ROBO2: variants seen among roughly 807,000 people sequenced by gnomAD.
ROBO2 encodes the protein roundabout homolog 2.
ROBO2 carries 53 observed loss-of-function variants against 160.8 expected under a neutral mutation model. The observed-to-expected ratio is 0.33, with a 90% CI of 0.26 to 0.41. ROBO2 has a LOEUF of 0.41. ROBO2 is among the 10% of genes least tolerant of loss of function. The pLI, the probability that ROBO2 is intolerant of heterozygous loss-of-function variation, is 1.00. For missense variants in ROBO2, 1,577 were observed against 1,722.4 expected, an observed-to-expected ratio of 0.92 and a Z score of 1.49; for synonymous variants, 664 against 611.7, an observed-to-expected ratio of 1.09 and a Z score of -1.26.
chr3:77,525,841 A>G lies in ROBO2; in HGVS notation c.934+2939A>G, dbSNP rs552105386. ...ACTCAAAACGCCTTTTTGTTTCTGA[A>G]GGAAACATTATGTTTTAAATTCACT... On this transcript the variant is annotated intron_variant, in intron 6 of 25. Transcript: ENST00000461745. Among the ~76,000 whole-genome samples the G allele has an allele frequency of 6.6e-5, 10 of 150,934 alleles. No homozygotes were observed. The East Asian group carries it at 2.0e-3, about 30-fold the overall frequency.
intron 2 of ROBO2, among the ~76,000 whole-genome samples, chr3:76,659,678 A>C (rs557531739): frequency 5.8e-4 from 88 of 152,308 alleles, no homozygotes; most frequent in African/African-American, 2.0e-3. Context: ...AAAAGTAGGA[A>C]ATTAATATTT....
intron 2 of ROBO2, among the ~76,000 whole-genome samples, chr3:76,855,706 T>G (rs2069983165): frequency 6.6e-6 from 1 of 152,238 alleles, no homozygotes; most frequent in Admixed American, 6.5e-5. Flanking sequence ...CTGATTGCAG[T>G]AGTTTGACAT....
intron 2 of ROBO2, among the ~76,000 whole-genome samples, chr3:76,919,338 G>A (rs2076525082): frequency 6.6e-6 from 1 of 151,966 alleles, no homozygotes; most frequent in Non-Finnish European, 1.5e-5. Context: ...ATATTTATAG[G>A]CCATGGCAAT....
chr3:76,101,698 T>TC lies in ROBO2; in HGVS notation c.109+164102dup, dbSNP rs1015219781. Among the ~76,000 whole-genome samples, 5 of 48,630 alleles carry TC rather than the reference T, an allele frequency of 1.0e-4. No homozygotes were observed. In the East Asian group the frequency reaches 2.8e-3, roughly 28 times the overall value. 31.9% of individuals were successfully genotyped at this position (48,630 alleles called of 152,430 possible). On this transcript the variant is annotated intron_variant, in intron 2 of 26. Coordinates refer to the ROBO2 transcript ENST00000487694. ...ATCTCCTAATGCTATCCCTCCCCCC[T>TC]CCCCCCACCCCACCAACCCCACAAG... is the stretch of plus-strand genomic sequence containing the variant.
At chr3:77,127,234 G>A (rs2075422660) in intron 2 of ROBO2, among the ~76,000 whole-genome samples, 1 of 152,192 alleles carries the variant, frequency 6.6e-6, no homozygotes, top group South Asian at 2.1e-4. Flanking sequence ...TGTTTCAAAT[G>A]TGACAGTCCG....
chr3:77,634,272 C>A (rs895708789), intron 23 of ROBO2: 10 of 155,348 alleles, frequency 6.4e-5, no homozygotes, highest in African/African-American at 2.4e-4. Flanking sequence ...TTTTAACCTG[C>A]TATCCTCTAC....
chr3:76,561,902 G>T (rs959405080), intron 2 of ROBO2, among the ~76,000 whole-genome samples: 1 of 151,990 alleles, frequency 6.6e-6, no homozygotes, highest in Non-Finnish European at 1.5e-5. Flanking sequence ...CCTTCATTCT[G>T]CCAGACCTTC....
At chr3:76,181,987 C>G (rs148252538) in intron 2 of ROBO2, among the ~76,000 whole-genome samples, 1 of 151,978 alleles carries the variant, frequency 6.6e-6, no homozygotes, top group Admixed American at 6.6e-5. Flanking sequence ...TAACAGGAAG[C>G]ATTAATAAGG....
intron 2 of ROBO2, among the ~76,000 whole-genome samples, chr3:76,469,627 G>A (rs969938268): frequency 6.6e-6 from 1 of 151,972 alleles, no homozygotes; most frequent in African/African-American, 2.4e-5. Context: ...TTTGCCCTGT[G>A]TTTATTGTAT....
At chr3:75,980,705 G>C (rs545989814) in intron 2 of ROBO2, among the ~76,000 whole-genome samples, 7 of 151,384 alleles carry the variant, frequency 4.6e-5, no homozygotes, top group Non-Finnish European at 8.9e-5. Flanking sequence ...ATCTGAAGAG[G>C]ATCTGACTGG....
At chr3:75,926,550 T>A (rs964537371) in intron 1 of ROBO2, among the ~76,000 whole-genome samples, 1 of 152,224 alleles carries the variant, frequency 6.6e-6, no homozygotes, top group Admixed American at 6.5e-5. Flanking sequence ...TTGTTAGTCT[T>A]CTAAAAACTA....
At chr3:77,031,420 T>C (rs2063313812) in intron 2 of ROBO2, among the ~76,000 whole-genome samples, 1 of 148,552 alleles carries the variant, frequency 6.7e-6, no homozygotes, top group Non-Finnish European at 1.5e-5. Context: ...ATACAGTGCA[T>C]AAGCATATAC....
At chr3:75,928,323 CAA>C (rs1947376721) in intron 1 of ROBO2, among the ~76,000 whole-genome samples, 1 of 152,160 alleles carries the variant, frequency 6.6e-6, no homozygotes, top group Admixed American at 6.5e-5. Flanking sequence ...ACCAGCATTT[CAA>C]AAATACAAAC....
intron 1 of ROBO2, among the ~76,000 whole-genome samples, chr3:77,091,159 AG>A (rs1404205693): frequency 1.3e-5 from 2 of 152,204 alleles, no homozygotes; most frequent in Non-Finnish European, 2.9e-5. Context: ...ACTTGGTTCA[AG>A]GAAATACTAT....
At chr3:76,245,050 A>T (rs1705532383) in intron 2 of ROBO2, among the ~76,000 whole-genome samples, 1 of 118,122 alleles carries the variant, frequency 8.5e-6, no homozygotes, top group African/African-American at 3.6e-5. Flanking sequence ...GTCACTCATA[A>T]TAAGGCATTT....
At chr3:77,088,212 A>G (rs1036542674) in intron 1 of ROBO2, among the ~76,000 whole-genome samples, 2 of 152,250 alleles carry the variant, frequency 1.3e-5, no homozygotes, top group South Asian at 2.1e-4. Flanking sequence ...TTAATGGTAG[A>G]TAAGTAAAGA....
At chr3:76,428,480 A>G (rs568033630) in intron 2 of ROBO2, among the ~76,000 whole-genome samples, 2 of 152,204 alleles carry the variant, frequency 1.3e-5, no homozygotes, top group Non-Finnish European at 2.9e-5. Context: ...TTCGAATGTT[A>G]AAGATTGTGT....
intron 2 of ROBO2, among the ~76,000 whole-genome samples, chr3:76,890,024 G>A (rs1172660676): frequency 6.6e-6 from 1 of 152,134 alleles, no homozygotes; most frequent in African/African-American, 2.4e-5. Context: ...AGGGCCGTTT[G>A]TGCCATCCTA....
chr3:76,697,819 C>T (rs17028198), intron 2 of ROBO2, among the ~76,000 whole-genome samples: 1,978 of 152,006 alleles, frequency 0.013, 37 homozygotes, highest in African/African-American at 0.045. Flanking sequence ...AATAGAAATA[C>T]AAGCCACCTC....
Sources: allele counts gnomAD v4.1 joint callset (sites outside exome capture counted in the v4.1 genomes callset), GRCh38; gene constraint gnomAD v4.1.1; transcripts MANE v1.5; gene names NCBI Gene and HGNC (gene_info 2026-07-23, HGNC 2026-07-21).